ARNT: variants seen among roughly 807,000 people sequenced by gnomAD.
ARNT encodes class E basic helix-loop-helix protein 2.
In ARNT, 30 loss-of-function variants were observed where a neutral mutation model predicts 105.0. The ratio of observed to expected loss-of-function variants is 0.29; its 90% confidence interval spans 0.21 to 0.39. ARNT has a LOEUF of 0.39. ARNT is among the 10% of genes least tolerant of loss of function. The pLI is 1.00. For missense variants in ARNT, 748 were observed against 978.7 expected, an observed-to-expected ratio of 0.76 and a Z score of 3.15; for synonymous variants, 304 against 344.0, an observed-to-expected ratio of 0.88 and a Z score of 1.29.
chr1:150,833,495 AAAAT>A (rs1659707578), intron 8 of ARNT, among the ~76,000 whole-genome samples: 1 of 152,158 alleles, frequency 6.6e-6, no homozygotes, highest in Non-Finnish European at 1.5e-5. Flanking sequence ...CTGTCTCAAA[AAAAT>A]AAATAAATAA....
chr1:150,873,365 T>C (rs1387918309), intron 1 of ARNT, among the ~76,000 whole-genome samples: 1 of 151,556 alleles, frequency 6.6e-6, no homozygotes, highest in Non-Finnish European at 1.5e-5. Flanking sequence ...TAAAGTTTCA[T>C]GGACCACCTA....
chr1:150,876,048 C>T (rs1668192263), intron 1 of ARNT, among the ~76,000 whole-genome samples: 1 of 152,184 alleles, frequency 6.6e-6, no homozygotes, highest in Non-Finnish European at 1.5e-5. Context: ...CAAAGAATGT[C>T]CATTTTTTAT....
At chr1:150,871,960 C>A (rs1468600611) in intron 1 of ARNT, among the ~76,000 whole-genome samples, 2 of 135,976 alleles carry the variant, frequency 1.5e-5, no homozygotes, top group African/African-American at 2.7e-5. Flanking sequence ...AAAATACTAT[C>A]TCTTTTTTTG....
At chr1:150,822,845 C>T (rs1168295480) in intron 14 of ARNT, among the ~76,000 whole-genome samples, 1 of 152,136 alleles carries the variant, frequency 6.6e-6, no homozygotes, top group African/African-American at 2.4e-5. Context: ...GATGCTATCT[C>T]CAAGTAGATA....
chr1:150,868,931 C>A (rs1667032755), intron 1 of ARNT, among the ~76,000 whole-genome samples: 2 of 150,496 alleles, frequency 1.3e-5, no homozygotes. Context: ...AAAAAAAGGA[C>A]CAGCCTGGGC....
intron 1 of ARNT, among the ~76,000 whole-genome samples, chr1:150,874,989 A>G (rs921511230): frequency 1.3e-5 from 2 of 152,210 alleles, no homozygotes; most frequent in Non-Finnish European, 2.9e-5. Context: ...ACAGCTGGAA[A>G]AAAGCTTCTG....
intron 10 of ARNT, chr1:150,831,603 AC>A (rs775973216): frequency 1.9e-6 from 1 of 523,702 alleles, no homozygotes; most frequent in Non-Finnish European, 3.3e-6. Context: ...CACAGCCAAT[AC>A]TGAATCATTT....
chr1:150,828,365 T>G (rs1466212952), intron 12 of ARNT, among the ~76,000 whole-genome samples: 1 of 92,716 alleles, frequency 1.1e-5, no homozygotes, highest in Non-Finnish European at 2.4e-5. Context: ...TTTTTTTTTT[T>G]GCATACAGAT....
At chr1:150,813,806 G>A (rs1655255110) in intron 20 of ARNT, among the ~76,000 whole-genome samples, 1 of 151,698 alleles carries the variant, frequency 6.6e-6, no homozygotes, top group African/African-American at 2.4e-5. Flanking sequence ...TACCACACCC[G>A]GTAGAGACAG....
chr1:150,843,947 C>T (rs1339842911), intron 4 of ARNT, among the ~76,000 whole-genome samples: 1 of 152,170 alleles, frequency 6.6e-6, no homozygotes, highest in Non-Finnish European at 1.5e-5. Context: ...ACTACTACTA[C>T]TACAGATCCA....
intron 1 of ARNT, among the ~76,000 whole-genome samples, chr1:150,866,197 G>A (rs1003755222): frequency 1.3e-5 from 2 of 151,980 alleles, no homozygotes; most frequent in African/African-American, 2.4e-5. Flanking sequence ...TGGCCAGGCT[G>A]GTCCCAAACT....
rs71580328 is a variant in ARNT, at chr1:150,811,458, G to GCGCACACACACA, written c.*562_*563insTGTGTGTGTGCG. ...GAGTGAAATACAGAAGCATGTGTGC[G>GCGCACACACACA]CACACACACACACACACACATACAC... On this transcript the variant is annotated 3_prime_UTR_variant, in exon 22 of 22. Coordinates refer to ENST00000358595, the MANE Select transcript of ARNT (RefSeq NM_001668.4). 5 of 228,896 alleles carry GCGCACACACACA rather than the reference G, an allele frequency of 2.2e-5. No individual in the cohort carries two copies. The highest frequency in any genetic ancestry group is 4.5e-5 in the African/African-American group (2 of 44,494). The allele number at this position is 228,896 out of a possible 1,614,324, so 14.2% of individuals were successfully genotyped here. A position where few individuals can be genotyped will look rare whatever the true frequency, so the allele number is the denominator to read the frequency against.
At chr1:150,876,356 T>C (rs1366174018) in intron 1 of ARNT, among the ~76,000 whole-genome samples, 187 bp downstream of exon 1, 1 of 150,312 alleles carries the variant, frequency 6.7e-6, no homozygotes, top group African/African-American at 2.5e-5. Context: ...TTGGGTATAC[T>C]CGAGTCTACC....
At chr1:150,860,399 A>G (rs916524286) in intron 1 of ARNT, among the ~76,000 whole-genome samples, 1 of 151,126 alleles carries the variant, frequency 6.6e-6, no homozygotes, top group Admixed American at 6.6e-5. Context: ...TATTTTTATT[A>G]GAGATGGGGT....
chr1:150,869,976 C>T (rs1304608145), intron 1 of ARNT, among the ~76,000 whole-genome samples: 1 of 152,154 alleles, frequency 6.6e-6, no homozygotes, highest in African/African-American at 2.4e-5. Context: ...AAAGACAATA[C>T]TCCACCTACC....
intron 3 of ARNT, among the ~76,000 whole-genome samples, chr1:150,852,442 G>C (rs944914739): frequency 2.0e-5 from 3 of 152,140 alleles, no homozygotes; most frequent in African/African-American, 4.8e-5. Flanking sequence ...TCTTATGAGT[G>C]AGTCTAGGTG....
At chr1:150,850,954 A>T (rs1309919708) in intron 3 of ARNT, among the ~76,000 whole-genome samples, 5 of 138,550 alleles carry the variant, frequency 3.6e-5, no homozygotes, top group Admixed American at 7.2e-5. Context: ...GGAGGTGAGG[A>T]GCCCCTCCGC....
At chr1:150,849,918 A>G (rs919736142) in intron 3 of ARNT, among the ~76,000 whole-genome samples, 1 of 151,996 alleles carries the variant, frequency 6.6e-6, no homozygotes, top group African/African-American at 2.4e-5. Context: ...TACAAAAATT[A>G]GCCAGGTGTG....
chr1:150,840,798 A>G (rs918505705), intron 5 of ARNT, among the ~76,000 whole-genome samples: 1 of 152,212 alleles, frequency 6.6e-6, no homozygotes, highest in Non-Finnish European at 1.5e-5. Context: ...ATCACTGTTA[A>G]CAGGAATAAT....
Sources: allele counts gnomAD v4.1 joint callset (sites outside exome capture counted in the v4.1 genomes callset), GRCh38; gene constraint gnomAD v4.1.1; transcripts MANE v1.5; gene names NCBI Gene and HGNC (gene_info 2026-07-23, HGNC 2026-07-21).